Variants in SRGAP3 observed in about 807,000 individuals in gnomAD.
SRGAP3 encodes the protein SLIT-ROBO Rho GTPase-activating protein 3.
SRGAP3 carries 39 observed loss-of-function variants against 121.1 expected under a neutral mutation model. That is an observed-to-expected ratio of 0.32 (90% CI 0.25 to 0.42). SRGAP3 has a LOEUF of 0.42. SRGAP3 is among the 10% of genes least tolerant of loss of function. SRGAP3 has a pLI of 1.00. For missense variants in SRGAP3, 1,213 were observed against 1,470.6 expected (o/e 0.82, Z 2.86); for synonymous variants, 601 against 570.0 (o/e 1.05, Z -0.77).
chr3:9,302,406 G>A (rs1332152798), intron 3 of SRGAP3, among the ~76,000 whole-genome samples: 1 of 152,152 alleles, frequency 6.6e-6, no homozygotes. Flanking sequence ...GCGACAGCTC[G>A]GCAGAGAAGC....
chr3:9,346,753 CTTTT>C (rs142138773), intron 1 of SRGAP3, among the ~76,000 whole-genome samples: 44 of 130,516 alleles, frequency 3.4e-4, no homozygotes, highest in Admixed American at 3.9e-4. Context: ...GCAATTTTTT[CTTTT>C]TTTTTTTTTT....
chr3:9,348,795 A>G (rs1334819215), intron 1 of SRGAP3: 3 of 1,373,228 alleles, frequency 2.2e-6, no homozygotes, highest in South Asian at 1.2e-5. Context: ...AGGCACTCCT[A>G]TGATGTCCCA....
chr3:9,172,926 A>C (rs1206497664), intron 1 of SRGAP3, among the ~76,000 whole-genome samples: 1 of 152,202 alleles, frequency 6.6e-6, no homozygotes, highest in African/African-American at 2.4e-5. Context: ...TGGCACAGGG[A>C]CGCCGCAGGC....
In SRGAP3 at chr3:9,109,060, T is replaced by A. The variant is rs960907266; in HGVS notation, c.261-4218A>T. On this transcript the variant is annotated intron_variant, in intron 2 of 21. Coordinates refer to ENST00000383836, the MANE Select transcript of SRGAP3 (RefSeq NM_014850.4). The surrounding 1 kb of genome is among the most constrained non-coding windows in gnomAD (Gnocchi z 4.4). ...GTTTGGACAGAAAATGCATTGCTTA[T>A]CTCATTTTCACTGCTTCCTAGGTGG... 2.0e-5 allele frequency among the ~76,000 whole-genome samples: 3 copies of A among 152,184 alleles called. No individual in the cohort carries two copies. The highest frequency in any genetic ancestry group is 4.4e-5 in the Non-Finnish European group (3 of 68,026).
At chr3:9,029,070 G>A (rs1165679199) in intron 12 of SRGAP3, among the ~76,000 whole-genome samples, 1 of 152,174 alleles carries the variant, frequency 6.6e-6, no homozygotes, top group Non-Finnish European at 1.5e-5. Context: ...CATCTCGACA[G>A]CTGGAATTGT....
At chr3:9,169,083 G>A (rs1461019767) in intron 1 of SRGAP3, among the ~76,000 whole-genome samples, 1 of 152,142 alleles carries the variant, frequency 6.6e-6, no homozygotes, top group Non-Finnish European at 1.5e-5. Flanking sequence ...ATCCCGGCTC[G>A]TTCAGCTATT....
chr3:9,015,829 A>G (rs748939554), intron 14 of SRGAP3, 98 bp from the exon 15 acceptor site: 35 of 1,482,654 alleles, frequency 2.4e-5, no homozygotes, highest in Non-Finnish European at 3.2e-5. Context: ...CCTGAACCAC[A>G]GGAAAGGCAG....
chr3:9,135,906 C>T lies in SRGAP3; in HGVS notation c.68-10989G>A, dbSNP rs573679555. Reference sequence around the variant, plus strand: ...CTGTAAAATAGGGAATAATACCTTCCCCCCTGGGGTTGTTAAAAGGGTGAG... The same window carrying T: ...CTGTAAAATAGGGAATAATACCTTCTCCCCTGGGGTTGTTAAAAGGGTGAG... On this transcript the variant is annotated intron_variant, in intron 1 of 21. Coordinates refer to ENST00000383836, the MANE Select transcript of SRGAP3 (RefSeq NM_014850.4). 2.6e-5 allele frequency among the ~76,000 whole-genome samples: 4 copies of T among 152,328 alleles called. No individual in the cohort carries two copies. In the South Asian group the frequency reaches 6.2e-4, roughly 24 times the overall value.
intron 6 of SRGAP3, chr3:9,059,814 TCTGG>T (rs1434796860): frequency 3.3e-6 from 1 of 298,960 alleles, no homozygotes; most frequent in African/African-American, 2.2e-5. Flanking sequence ...TGTACACGTG[TCTGG>T]CTGAGTGGCC....
chr3:9,291,270 C>T (rs758839623), intron 3 of SRGAP3, among the ~76,000 whole-genome samples: 4 of 152,078 alleles, frequency 2.6e-5, no homozygotes, highest in Admixed American at 6.6e-5. Flanking sequence ...ATTCCACAAG[C>T]GTTTTCTTAT....
chr3:9,072,043 C>A (rs927380529), intron 4 of SRGAP3, among the ~76,000 whole-genome samples: 3 of 152,128 alleles, frequency 2.0e-5, no homozygotes, highest in African/African-American at 7.2e-5. Flanking sequence ...AGATTCCAGT[C>A]CCTTGCCACT....
intron 3 of SRGAP3, among the ~76,000 whole-genome samples, chr3:9,287,117 G>C (rs940872232): frequency 6.8e-5 from 10 of 148,042 alleles, no homozygotes; most frequent in African/African-American, 2.2e-4. Context: ...TCAGCCTCCT[G>C]ATTAGTTGGG....
At chr3:9,276,565 A>G (rs1183909273) in intron 3 of SRGAP3, among the ~76,000 whole-genome samples, 4 of 151,954 alleles carry the variant, frequency 2.6e-5, no homozygotes, top group Non-Finnish European at 5.9e-5. Context: ...AGCTGGGATT[A>G]TAGGCACACA....
chr3:9,179,196 A>T (rs1363546002), intron 1 of SRGAP3, among the ~76,000 whole-genome samples: 1 of 152,178 alleles, frequency 6.6e-6, no homozygotes, highest in African/African-American at 2.4e-5. Context: ...CTGCCAGCGT[A>T]TCCCCTTCCT....
chr3:9,187,768 C>G (rs1951643166), intron 1 of SRGAP3, among the ~76,000 whole-genome samples: 1 of 152,214 alleles, frequency 6.6e-6, no homozygotes, highest in African/African-American at 2.4e-5. Flanking sequence ...GGCTCGATCT[C>G]ATTTCACCGA....
At position 8,983,374 on chromosome 3, in the gene SRGAP3, C is replaced by T. The variant is rs1349829198; in HGVS notation, c.*2145G>A. 3.0e-5 allele frequency: 7 copies of T among 229,846 alleles called. No individual in the cohort carries two copies. Among genetic ancestry groups the T allele is most frequent in the Non-Finnish European group, 6.0e-5 (7 of 116,074 alleles). 14.2% of individuals were successfully genotyped at this position (229,846 alleles called of 1,614,324 possible). ...TTTGACACTGGCCTCTCCCTGAGAT[C>T]CCTTTTTTTGTTCCTCTCCTGATGC... On this transcript the variant is annotated 3_prime_UTR_variant, in exon 22 of 22. Coordinates refer to ENST00000383836, the MANE Select transcript of SRGAP3 (RefSeq NM_014850.4).
chr3:9,184,166 C>T (rs1260493082), intron 1 of SRGAP3, among the ~76,000 whole-genome samples: 1 of 152,182 alleles, frequency 6.6e-6, no homozygotes, highest in African/African-American at 2.4e-5. Context: ...CGACTTCCTC[C>T]CATTTCAATC....
intron 1 of SRGAP3, among the ~76,000 whole-genome samples, chr3:9,341,220 G>A (rs983118788): frequency 1.3e-5 from 2 of 152,154 alleles, no homozygotes; most frequent in Non-Finnish European, 2.9e-5. Context: ...TTTGAGGAGG[G>A]GAGAGGAACA....
intron 3 of SRGAP3, among the ~76,000 whole-genome samples, chr3:9,300,296 T>C (rs957236092): frequency 1.5e-5 from 2 of 129,998 alleles, no homozygotes; most frequent in Non-Finnish European, 3.3e-5. Flanking sequence ...CTAAAATATT[T>C]TTCCCCAAAA....
Sources: gnomAD v4.1 joint callset for allele counts (sites outside exome capture counted in the v4.1 genomes callset) on GRCh38, gnomAD v4.1.1 for gene constraint, Gnocchi (gnomAD v3.1) non-coding constraint, MANE v1.5 for transcripts, NCBI Gene and HGNC (gene_info 2026-07-23, HGNC 2026-07-21) for gene names.